The following EXT1 variants were observed in gnomAD, a reference collection of about 807,000 sequenced individuals.
EXT1 encodes the protein exostosin-1.
Under a neutral mutation model 82.5 loss-of-function variants are expected in EXT1, and 20 were observed. That is an observed-to-expected ratio of 0.24 (90% CI 0.17 to 0.35). The LOEUF is 0.35. Ranked by LOEUF, EXT1 falls within the 10% of genes least tolerant of loss-of-function variation. EXT1 has a pLI of 1.00. For missense variants in EXT1, 757 were observed against 936.5 expected, an observed-to-expected ratio of 0.81 and a Z score of 2.50; for synonymous variants, 348 against 350.8, an observed-to-expected ratio of 0.99 and a Z score of 0.09.
rs750392304 is a variant in EXT1, at chr8:117,818,514, T to G, written c.1553A>C (p.Asn518Thr). 1.2e-6 allele frequency: 2 copies of G among 1,613,972 alleles called. No individual in the cohort carries two copies. Among genetic ancestry groups the G allele is most frequent in the Admixed American group, 3.3e-5 (2 of 60,026 alleles). Residue 518 changes from asparagine (N) to threonine (T), a missense_variant, in exon 7 of 11, where the codon AAT becomes ACT. This residue lies in a region of EXT1 where 207 missense variants were observed against 224.2 expected (regional missense o/e 0.92). Coordinates refer to ENST00000378204, the MANE Select transcript of EXT1 (RefSeq NM_000127.3). ...TTTGGCTGGTAGGGGCTTGTCACAATTCCATAGAACTATGATCTGAAAGGG... is the reference window on the plus strand; with the variant it reads ...TTTGGCTGGTAGGGGCTTGTCACAAGTCCATAGAACTATGATCTGAAAGGG... ...QYCAQIIVLWNCDKPLPAKHR... is the reference protein window; with the variant it reads ...QYCAQIIVLWTCDKPLPAKHR...
At chr8:118,011,948 T>C (rs1030686357) in intron 1 of EXT1, among the ~76,000 whole-genome samples, 7 of 152,048 alleles carry the variant, frequency 4.6e-5, no homozygotes, top group East Asian at 1.9e-4. Context: ...CGAGAGAACA[T>C]GGGAAGCAGC....
chr8:118,033,795 T>C (rs887840719), intron 1 of EXT1, among the ~76,000 whole-genome samples: 2 of 152,248 alleles, frequency 1.3e-5, no homozygotes, highest in Non-Finnish European at 2.9e-5. Flanking sequence ...TTCTCATTTA[T>C]TGAATGAAAA....
chr8:117,864,658 A>G (rs990286850), intron 1 of EXT1, among the ~76,000 whole-genome samples: 7 of 151,506 alleles, frequency 4.6e-5, no homozygotes, highest in African/African-American at 1.7e-4. Flanking sequence ...CTGAGGCAGG[A>G]GAATGGCGTG....
At chr8:118,060,002 C>T (rs1816858041) in intron 1 of EXT1, among the ~76,000 whole-genome samples, 1 of 152,168 alleles carries the variant, frequency 6.6e-6, no homozygotes, top group Non-Finnish European at 1.5e-5. Flanking sequence ...AATACACACA[C>T]TTAGAACCAC....
chr8:117,921,067 T>C (rs977437083), intron 1 of EXT1, among the ~76,000 whole-genome samples: 2 of 152,224 alleles, frequency 1.3e-5, no homozygotes, highest in African/African-American at 4.8e-5. Flanking sequence ...GTGGTTTTTA[T>C]ATTCCTTTCT....
At chr8:118,072,220 C>T (rs1446342563) in intron 1 of EXT1, among the ~76,000 whole-genome samples, 1 of 152,108 alleles carries the variant, frequency 6.6e-6, no homozygotes, top group Non-Finnish European at 1.5e-5. Flanking sequence ...AGTTCCCTGA[C>T]CTACAGTAGA....
At chr8:118,083,183 C>T (rs948047248) in intron 1 of EXT1, among the ~76,000 whole-genome samples, 2 of 152,162 alleles carry the variant, frequency 1.3e-5, no homozygotes, top group Non-Finnish European at 2.9e-5. Context: ...TAGCTAAACT[C>T]TGGTCTTGAG....
At chr8:118,007,278 C>A (rs1194299403) in intron 1 of EXT1, among the ~76,000 whole-genome samples, 1 of 151,584 alleles carries the variant, frequency 6.6e-6, no homozygotes, top group East Asian at 1.9e-4. Context: ...ACCTGGGGGA[C>A]ACAGCGAGAC....
chr8:117,854,476 C>CAT, intron 1 of EXT1, among the ~76,000 whole-genome samples: 1 of 151,984 alleles, frequency 6.6e-6, no homozygotes, highest in East Asian at 1.9e-4. Context: ...ACACACACAC[C>CAT]ATATATATAT....
intron 1 of EXT1, among the ~76,000 whole-genome samples, chr8:117,957,662 C>T (rs1030968363): frequency 1.3e-5 from 2 of 152,174 alleles, no homozygotes; most frequent in East Asian, 1.9e-4. Flanking sequence ...ACAGTAAAAC[C>T]CTGCCTTGCT....
At position 117,982,498 on chromosome 8, in the gene EXT1, CT is replaced by C. The variant is rs143645683; in HGVS notation, c.962+127586del. On this transcript the variant is annotated intron_variant, in intron 1 of 10. Transcript: ENST00000378204. Reference sequence around the variant, plus strand: ...CTATTTAGGGCTTTAATTATTATTACTTTTTTTTTTGAGACGGAGTCTTGCT... The same window carrying C: ...CTATTTAGGGCTTTAATTATTATTACTTTTTTTTTGAGACGGAGTCTTGCT... Among the ~76,000 whole-genome samples, 256 of 149,778 alleles carry C rather than the reference CT, an allele frequency of 1.7e-3. 6 individuals carry two copies. Among genetic ancestry groups the C allele is most frequent in the East Asian group, 0.017 (85 of 5,122 alleles).
chr8:117,932,963 C>A (rs1814088898), intron 1 of EXT1, among the ~76,000 whole-genome samples: 1 of 152,118 alleles, frequency 6.6e-6, no homozygotes, highest in Admixed American at 6.5e-5. Flanking sequence ...AACATCTTCC[C>A]CGTGCTCACT....
chr8:118,069,156 T>C (rs1286428173), intron 1 of EXT1, among the ~76,000 whole-genome samples: 1 of 152,232 alleles, frequency 6.6e-6, no homozygotes, highest in East Asian at 1.9e-4. Flanking sequence ...GACATACTAG[T>C]GTATAAAGTA....
rs767408192 is a variant in EXT1 at position 117,807,285 on chromosome 8, C to G, written c.1815G>C (p.Arg605=). The G allele has an allele frequency of 2.5e-6, 4 of 1,614,180 alleles. No individual in the cohort carries two copies. Among genetic ancestry groups the G allele is most frequent in the Non-Finnish European group, 3.4e-6 (4 of 1,180,032 alleles). The part of the protein sequence containing the change: ...RSHFWDNSKE[R]WGYTSKWTND... ...TCGTCCACTTTGATGTGTATCCCCA[C>G]CGCTCCTTAGAGTTATCCCAGAAGT... Residue 605 remains arginine (R), a synonymous_variant, in exon 9 of 11, where the codon CGG becomes CGC. Transcript: ENST00000378204.
At chr8:117,974,499 GC>G (rs546842221) in intron 1 of EXT1, among the ~76,000 whole-genome samples, 55 of 152,252 alleles carry the variant, frequency 3.6e-4, no homozygotes, top group African/African-American at 1.2e-3. Flanking sequence ...ACAGGATCTT[GC>G]TCTGTTGCCC....
intron 1 of EXT1, among the ~76,000 whole-genome samples, chr8:117,939,550 C>T (rs1008651441): frequency 8.1e-5 from 9 of 110,502 alleles, no homozygotes; most frequent in African/African-American, 3.1e-4. Flanking sequence ...GCCTGGGCAA[C>T]AAGAGTGAAA....
At chr8:117,845,161 G>T (rs370438425) in intron 1 of EXT1, among the ~76,000 whole-genome samples, 1 of 152,186 alleles carries the variant, frequency 6.6e-6, no homozygotes, top group Admixed American at 6.5e-5. Flanking sequence ...ATAACATTTT[G>T]TGGGCTGGGG....
chr8:117,859,566 A>G (rs1404950163), intron 1 of EXT1, among the ~76,000 whole-genome samples: 1 of 152,222 alleles, frequency 6.6e-6, no homozygotes, highest in Non-Finnish European at 1.5e-5. Context: ...TTCATGGTGT[A>G]TACACATATA....
chr8:117,805,513 A>C (rs1823224352), intron 9 of EXT1, among the ~76,000 whole-genome samples: 1 of 152,238 alleles, frequency 6.6e-6, no homozygotes, highest in South Asian at 2.1e-4. Context: ...TACTGTTTTT[A>C]AAATGTATTT....
Sources: allele counts gnomAD v4.1 joint callset (sites outside exome capture counted in the v4.1 genomes callset), GRCh38; gene constraint gnomAD v4.1.1; regional missense constraint gnomAD v4.1.1; transcripts MANE v1.5; gene names NCBI Gene and HGNC (gene_info 2026-07-23, HGNC 2026-07-21).